The following CYRIA variants were observed in gnomAD, a reference collection of about 807,000 sequenced individuals.
CYRIA encodes CYFIP related Rac1 interactor A, also known as CYFIP-related Rac1 interactor A.
Under a neutral mutation model 43.9 loss-of-function variants are expected in CYRIA, and 15 were observed. The ratio of observed to expected loss-of-function variants is 0.34; its 90% CI spans 0.23 to 0.53. The LOEUF (loss-of-function observed/expected upper bound fraction) is 0.53, where lower values mean the gene tolerates loss of function less well. Among genes scored for constraint, CYRIA ranks in the 20% least tolerant of loss-of-function variants. The probability of loss-of-function intolerance (pLI) is 0.94; values close to 1 mark genes in which losing one functional copy is unlikely to be tolerated. For synonymous variants in CYRIA, 117 were observed against 136.0 expected, an observed-to-expected ratio of 0.86 and a Z score of 0.97; for missense variants, 236 against 394.2, an observed-to-expected ratio of 0.60 and a Z score of 3.40.
At chr2:16,655,003 C>T (rs550336721) in intron 1 of CYRIA, among the ~76,000 whole-genome samples, 1 of 152,282 alleles carries the variant, frequency 6.6e-6, no homozygotes, top group South Asian at 2.1e-4. Context: ...ATTTACACAA[C>T]CTATGACCTT....
intron 9 of CYRIA, among the ~76,000 whole-genome samples, chr2:16,559,898 C>T (rs1317318400): frequency 2.0e-5 from 3 of 152,094 alleles, no homozygotes; most frequent in Non-Finnish European, 4.4e-5. Context: ...ATAGCAGGTC[C>T]CTCTGGCTGT....
chr2:16,654,896 CT>C (rs1234417246), intron 1 of CYRIA, among the ~76,000 whole-genome samples: 1 of 152,190 alleles, frequency 6.6e-6, no homozygotes, highest in Non-Finnish European at 1.5e-5. Flanking sequence ...AAAAAAATAA[CT>C]CACATTCATA....
intron 1 of CYRIA, among the ~76,000 whole-genome samples, chr2:16,660,932 A>G (rs1207164266): frequency 1.3e-5 from 2 of 152,224 alleles, no homozygotes; most frequent in Non-Finnish European, 2.9e-5. Context: ...CAGGGAAATT[A>G]GGCTTCCAAA....
intron 1 of CYRIA, among the ~76,000 whole-genome samples, chr2:16,627,348 AGTC>A (rs1443625256): frequency 6.6e-6 from 1 of 152,226 alleles, no homozygotes; most frequent in African/African-American, 2.4e-5. Context: ...GCTTAGACTG[AGTC>A]CCTCAATGCC....
At chr2:16,637,641 A>ATAATT (rs1351768908) in intron 1 of CYRIA, among the ~76,000 whole-genome samples, 1 of 152,264 alleles carries the variant, frequency 6.6e-6, no homozygotes, top group African/African-American at 2.4e-5. Context: ...TAATGACAAA[A>ATAATT]TAATTTTGCC....
At chr2:16,657,345 G>C (rs933624912) in intron 1 of CYRIA, among the ~76,000 whole-genome samples, 2 of 151,994 alleles carry the variant, frequency 1.3e-5, no homozygotes, top group Non-Finnish European at 2.9e-5. Flanking sequence ...CCCCTCCAAG[G>C]CCAAAACCAA....
intron 2 of CYRIA, among the ~76,000 whole-genome samples, chr2:16,615,648 C>T (rs147174708): frequency 1.1e-3 from 168 of 152,296 alleles, no homozygotes; most frequent in African/African-American, 3.8e-3. Flanking sequence ...CCCTCAGATC[C>T]CTCCAAAAAT....
intron 3 of CYRIA, among the ~76,000 whole-genome samples, chr2:16,572,912 T>C (rs1398749604): frequency 1.3e-5 from 2 of 152,224 alleles, no homozygotes; most frequent in African/African-American, 4.8e-5. Flanking sequence ...TCTTCCCTAC[T>C]ACCTGCACTA....
chr2:16,623,254 CT>C (rs1669057126), intron 2 of CYRIA: 1 of 152,124 alleles, frequency 6.6e-6, no homozygotes, highest in African/African-American at 2.4e-5. Context: ...TGAAGACATT[CT>C]AGTAGATGTG....
At chr2:16,587,831 GTGAGGCCTCC>G (rs1232272578) in intron 3 of CYRIA, among the ~76,000 whole-genome samples, 1 of 152,066 alleles carries the variant, frequency 6.6e-6, no homozygotes, top group Non-Finnish European at 1.5e-5. Flanking sequence ...CACTATGATT[GTGAGGCCTCC>G]TGAGCCATGT....
At chr2:16,580,693 C>A (rs1393883282) in intron 3 of CYRIA, among the ~76,000 whole-genome samples, 2 of 152,100 alleles carry the variant, frequency 1.3e-5, no homozygotes, top group Non-Finnish European at 2.9e-5. Context: ...CCAAAACAGT[C>A]TTCCAAAAGA....
chr2:16,565,110 T>C, intron 4 of CYRIA, among the ~76,000 whole-genome samples: 1 of 152,074 alleles, frequency 6.6e-6, no homozygotes, highest in East Asian at 1.9e-4. Flanking sequence ...AGAGAATGGG[T>C]AATATTAATC....
At chr2:16,613,994 A>C (rs548503898) in intron 2 of CYRIA, among the ~76,000 whole-genome samples, 3 of 152,336 alleles carry the variant, frequency 2.0e-5, no homozygotes, top group African/African-American at 7.2e-5. Flanking sequence ...TTCTTAAGTC[A>C]CGTTTTCCAC....
chr2:16,568,293 G>T (rs1011942619), intron 3 of CYRIA, among the ~76,000 whole-genome samples: 3 of 151,276 alleles, frequency 2.0e-5, no homozygotes, highest in African/African-American at 7.3e-5. Flanking sequence ...TTTGGATAAG[G>T]GGTATTCAAC....
intron 3 of CYRIA, among the ~76,000 whole-genome samples, chr2:16,587,529 A>G (rs1420936573): frequency 6.6e-6 from 1 of 152,114 alleles, no homozygotes; most frequent in Non-Finnish European, 1.5e-5. Context: ...AAATTAGGGA[A>G]AAAGGAAGGA....
chr2:16,656,044 C>T (rs1277643830), intron 1 of CYRIA, among the ~76,000 whole-genome samples: 5 of 152,150 alleles, frequency 3.3e-5, no homozygotes, highest in Non-Finnish European at 7.4e-5. Context: ...TAGTCAGTTC[C>T]ACCTGTGAGC....
At chr2:16,662,478 G>A (rs1011610836) in intron 1 of CYRIA, among the ~76,000 whole-genome samples, 6 of 152,232 alleles carry the variant, frequency 3.9e-5, no homozygotes, top group African/African-American at 1.4e-4. Flanking sequence ...AGACAAAGCA[G>A]TAGTGGAGTT....
chr2:16,649,599 G>A (rs901037763), intron 1 of CYRIA, among the ~76,000 whole-genome samples: 5 of 152,036 alleles, frequency 3.3e-5, no homozygotes, highest in African/African-American at 9.7e-5. Context: ...TGGTTGTACA[G>A]TACAGGGCAT....
chr2:16,554,032 G>T (rs920218635), intron 11 of CYRIA, among the ~76,000 whole-genome samples: 4 of 151,868 alleles, frequency 2.6e-5, no homozygotes, highest in Admixed American at 2.6e-4. Context: ...TCAACCTCAG[G>T]GTCTATTTTG....
Sources: gnomAD v4.1 joint callset for allele counts (sites outside exome capture counted in the v4.1 genomes callset) on GRCh38, gnomAD v4.1.1 for gene constraint, MANE v1.5 for transcripts, NCBI Gene and HGNC (gene_info 2026-07-23, HGNC 2026-07-21) for gene names.